COX7B2: variants seen among roughly 807,000 people sequenced by gnomAD.
COX7B2 encodes cytochrome c oxidase subunit 7B2.
For synonymous variants in COX7B2, 37 were observed against 32.1 expected, an observed-to-expected ratio of 1.15 and a Z score of -0.51; for missense variants, 109 against 95.9, an observed-to-expected ratio of 1.14 and a Z score of -0.57.
chr4:46,852,238 G>A (rs1469978592), intron 1 of COX7B2, among the ~76,000 whole-genome samples: 1 of 152,010 alleles, frequency 6.6e-6, no homozygotes, highest in Admixed American at 6.6e-5. Context: ...TTAAAATCCA[G>A]TACTATTATT....
intron 2 of COX7B2, among the ~76,000 whole-genome samples, chr4:46,738,971 A>C (rs1714539743): frequency 6.6e-6 from 1 of 152,100 alleles, no homozygotes; most frequent in Non-Finnish European, 1.5e-5. Flanking sequence ...TTCTGCAAAA[A>C]ATAACTAATA....
At chr4:46,892,184 T>C in intron 1 of COX7B2, among the ~76,000 whole-genome samples, 1 of 152,172 alleles carries the variant, frequency 6.6e-6, no homozygotes, top group East Asian at 1.9e-4. Flanking sequence ...TGATATTAAC[T>C]ACCGGGGCCA....
chr4:46,879,121 AT>A (rs1041746695), intron 1 of COX7B2, among the ~76,000 whole-genome samples: 5 of 151,262 alleles, frequency 3.3e-5, no homozygotes, highest in Non-Finnish European at 7.4e-5. Flanking sequence ...CCTTTTCTTG[AT>A]TTTTTTTGTT....
intron 2 of COX7B2, among the ~76,000 whole-genome samples, chr4:46,800,969 A>G (rs563003968): frequency 6.6e-6 from 1 of 152,250 alleles, no homozygotes; most frequent in East Asian, 1.9e-4. Context: ...GAAGACACAC[A>G]TGCAGCCAAC....
chr4:46,778,650 A>T (rs1717285776), intron 2 of COX7B2, among the ~76,000 whole-genome samples: 1 of 152,186 alleles, frequency 6.6e-6, no homozygotes, highest in Admixed American at 6.5e-5. Flanking sequence ...GAATCAGTAG[A>T]CATTTTTAAA....
At chr4:46,875,405 A>G (rs1426533180) in intron 1 of COX7B2, among the ~76,000 whole-genome samples, 1 of 152,196 alleles carries the variant, frequency 6.6e-6, no homozygotes, top group Non-Finnish European at 1.5e-5. Context: ...CCCTGAAAAG[A>G]GCTCAAAATT....
intron 2 of COX7B2, among the ~76,000 whole-genome samples, chr4:46,807,384 T>C (rs1352851088): frequency 1.3e-5 from 2 of 151,974 alleles, no homozygotes; most frequent in South Asian, 2.1e-4. Context: ...CTGAGTGATA[T>C]CAGTTTTATC....
chr4:46,814,107 G>A (rs891989981), intron 2 of COX7B2, among the ~76,000 whole-genome samples: 1 of 152,096 alleles, frequency 6.6e-6, no homozygotes, highest in Non-Finnish European at 1.5e-5. Flanking sequence ...ATAGCATGGA[G>A]GTTCTTCAAA....
intron 2 of COX7B2, among the ~76,000 whole-genome samples, chr4:46,747,529 C>G (rs994692235): frequency 4.6e-5 from 7 of 151,972 alleles, no homozygotes; most frequent in Admixed American, 3.3e-4. Context: ...GTCTTGAACT[C>G]TTGACCTCGT....
At chr4:46,837,752 TGA>T (rs1715634560) in intron 2 of COX7B2, among the ~76,000 whole-genome samples, 1 of 152,118 alleles carries the variant, frequency 6.6e-6, no homozygotes, top group Admixed American at 6.6e-5. Flanking sequence ...TAAATATCCC[TGA>T]GAGGTTTTTT....
chr4:46,833,865 T>C (rs1715331911), intron 2 of COX7B2, among the ~76,000 whole-genome samples: 1 of 152,138 alleles, frequency 6.6e-6, no homozygotes, highest in South Asian at 2.1e-4. Flanking sequence ...GAAATGTTGT[T>C]GGGTTGGCAA....
chr4:46,781,549 T>G (rs746582819), intron 2 of COX7B2, among the ~76,000 whole-genome samples: 17 of 152,220 alleles, frequency 1.1e-4, no homozygotes, highest in Non-Finnish European at 2.1e-4. Flanking sequence ...TCTCAGCGCC[T>G]CCTTGGCCTC....
intron 2 of COX7B2, among the ~76,000 whole-genome samples, chr4:46,784,557 G>A (rs566681091): frequency 5.5e-4 from 83 of 152,242 alleles, no homozygotes; most frequent in Non-Finnish European, 9.9e-4. Flanking sequence ...CCCGGGAGGC[G>A]GAGGTTGCAG....
intron 1 of COX7B2, among the ~76,000 whole-genome samples, chr4:46,852,394 C>A (rs913243473): frequency 6.6e-6 from 1 of 151,860 alleles, no homozygotes; most frequent in South Asian, 2.1e-4. Flanking sequence ...CTTTTCTTGC[C>A]CTAACCCTGA....
At chr4:46,792,834 T>C (rs1250909304) in intron 2 of COX7B2, among the ~76,000 whole-genome samples, 1 of 152,222 alleles carries the variant, frequency 6.6e-6, no homozygotes, top group Admixed American at 6.5e-5. Flanking sequence ...TCTAGAATTG[T>C]GTCTTTAATT....
In COX7B2 at chr4:46,892,123, G is replaced by A. The variant is rs184139176; in HGVS notation, c.-105+17037C>T. On this transcript the variant is annotated intron_variant, in intron 1 of 2. Coordinates refer to ENST00000355591, the MANE Select transcript of COX7B2 (RefSeq NM_130902.3). Reference sequence around the variant, plus strand: ...GATGATCACCTTTCTTCCCAGAGGAGTCATGGATTCCCTCTTGCTAGCTAC... The same window carrying A: ...GATGATCACCTTTCTTCCCAGAGGAATCATGGATTCCCTCTTGCTAGCTAC... Among the ~76,000 whole-genome samples the A allele has an allele frequency of 1.7e-3, 264 of 152,260 alleles. 3 individuals carry two copies. Among genetic ancestry groups the A allele is most frequent in the African/African-American group, 6.1e-3 (254 of 41,548 alleles).
intron 2 of COX7B2, among the ~76,000 whole-genome samples, chr4:46,754,422 A>T (rs1715617666): frequency 6.7e-6 from 1 of 150,260 alleles, no homozygotes; most frequent in African/African-American, 2.4e-5. Context: ...AGGGACTTGG[A>T]TGAAGCTGGA....
In COX7B2 at chr4:46,740,831, A is replaced by G. The variant is rs546799003; in HGVS notation, c.-49-5590T>C. On this transcript the variant is annotated intron_variant, in intron 2 of 2. Coordinates refer to ENST00000355591, the MANE Select transcript of COX7B2 (RefSeq NM_130902.3). ...TCTAACTAAATTGAGTATTCCATTC[A>G]CTTAACCTCTGGGTTGATTTCACCC... 3.9e-5 allele frequency among the ~76,000 whole-genome samples: 6 copies of G among 152,214 alleles called. 2 individuals are homozygous for G. The highest frequency in any genetic ancestry group is 1.4e-4 in the African/African-American group (6 of 41,550).
intron 1 of COX7B2, among the ~76,000 whole-genome samples, chr4:46,865,339 T>G (rs1717601192): frequency 6.6e-6 from 1 of 152,232 alleles, no homozygotes; most frequent in South Asian, 2.1e-4. Flanking sequence ...TACCATATTT[T>G]CTTTAGCCAC....
Sources: allele counts gnomAD v4.1 joint callset (sites outside exome capture counted in the v4.1 genomes callset), GRCh38; gene constraint gnomAD v4.1.1; transcripts MANE v1.5; gene names NCBI Gene and HGNC (gene_info 2026-07-23, HGNC 2026-07-21).